Variants in SEZ6 observed in about 807,000 individuals in gnomAD.
The protein encoded by SEZ6 is seizure protein 6 homolog.
Under a neutral mutation model 101.0 loss-of-function variants are expected in SEZ6, and 53 were observed. The observed-to-expected ratio is 0.52, with a 90% confidence interval of 0.42 to 0.66. The LOEUF (loss-of-function observed/expected upper bound fraction) is 0.66, where lower values mean the gene tolerates loss of function less well. Among genes scored for constraint, SEZ6 ranks in the 30% least tolerant of loss-of-function variants. The pLI is 0.00. For synonymous variants in SEZ6, 488 were observed against 512.2 expected (o/e 0.95, Z 0.64); for missense variants, 1,102 against 1,289.4 (o/e 0.85, Z 2.23).
At chr17:28,964,592 C>T (rs552427616) in intron 4 of SEZ6, among the ~76,000 whole-genome samples, 9 of 152,294 alleles carry the variant, frequency 5.9e-5, no homozygotes, top group African/African-American at 2.2e-4. Context: ...GACATGAAAG[C>T]ACTTGAAATA....
chr17:28,957,315 A>G, intron 12 of SEZ6, 33 bp downstream of exon 12: 5 of 1,610,796 alleles, frequency 3.1e-6, no homozygotes, highest in Admixed American at 1.7e-5. Context: ...ATCTCCAGCT[A>G]GAGGTTTTCC....
intron 1 of SEZ6, among the ~76,000 whole-genome samples, chr17:28,993,821 C>T (rs1598210334): frequency 6.6e-6 from 1 of 152,264 alleles, no homozygotes; most frequent in African/African-American, 2.4e-5. Flanking sequence ...CAAAAGGCCA[C>T]ACCACTGAGG....
chr17:28,973,645 C>A (rs2041183467), intron 3 of SEZ6, among the ~76,000 whole-genome samples: 2 of 152,338 alleles, frequency 1.3e-5, no homozygotes, highest in Non-Finnish European at 2.9e-5. Context: ...CAAGCACCCT[C>A]TTGTGGGTCT....
intron 1 of SEZ6, among the ~76,000 whole-genome samples, chr17:28,994,285 T>C (rs1225716931): frequency 6.8e-6 from 1 of 147,884 alleles, no homozygotes; most frequent in Admixed American, 6.8e-5. Flanking sequence ...TTTTTTTTTT[T>C]CCTTTTTGGA....
intron 1 of SEZ6, among the ~76,000 whole-genome samples, chr17:28,998,357 G>C (rs1426967459): frequency 6.6e-6 from 1 of 151,820 alleles, no homozygotes; most frequent in Non-Finnish European, 1.5e-5. Flanking sequence ...GGGGGATGGA[G>C]AGACTGAGAG....
chr17:28,979,161 C>T (rs550647599), intron 3 of SEZ6, among the ~76,000 whole-genome samples: 3 of 152,128 alleles, frequency 2.0e-5, no homozygotes, highest in Non-Finnish European at 4.4e-5. Context: ...TTAATCCTAA[C>T]GGAGGGATGA....
At chr17:29,004,654 A>C (rs1482547133) in intron 1 of SEZ6, among the ~76,000 whole-genome samples, 1 of 152,048 alleles carries the variant, frequency 6.6e-6, no homozygotes, top group Non-Finnish European at 1.5e-5. Flanking sequence ...TCGAGCAGGG[A>C]GGTTAGAAAC....
Position 28,960,993 on chromosome 17 carries a change from A to T in SEZ6, c.1241-20T>A. 6.2e-7 allele frequency: 1 copy of T among 1,605,108 alleles called. No homozygotes were observed. Among genetic ancestry groups the T allele is most frequent in the Non-Finnish European group, 8.5e-7 (1 of 1,175,584 alleles). On this transcript the variant is annotated intron_variant, in intron 5 of 16. Transcript: ENST00000317338. ...AAGCAGCTGTTAAGACCAGGACAGGACGTAGGCTAGGCCCCTGCCTGAACC... is the reference window on the plus strand; with the variant it reads ...AAGCAGCTGTTAAGACCAGGACAGGTCGTAGGCTAGGCCCCTGCCTGAACC...
rs747683144 is a variant in SEZ6 at position 28,960,126 on chromosome 17, C to G, written c.1577-234G>C. 5.0e-6 allele frequency: 3 copies of G among 596,932 alleles called. No homozygotes were observed. The African/African-American group carries it at 5.6e-5, about 11-fold the overall frequency. The allele number at this position is 596,932 out of a possible 1,614,324, so 37.0% of individuals were successfully genotyped here. A position where few individuals can be genotyped will look rare whatever the true frequency, so the allele number is the denominator to read the frequency against. On this transcript the variant is annotated intron_variant, in intron 7 of 16. Coordinates refer to ENST00000317338, the MANE Select transcript of SEZ6 (RefSeq NM_178860.5). The stretch of plus-strand genomic sequence containing the variant: ...CCTGTTCCCACTGCCTGGTTTTGTG[C>G]TTAGTACACAGAAGGTACTCCATAC...
rs61737973 is a variant in SEZ6, at chr17:28,959,401, G to A, written c.1843C>T (p.Arg615Cys). ...ACACCCCAGATACAATCCTGCCCACGACCGTAGGGCTCTGGCCAGTTGGGA... is the reference window on the plus strand; with the variant it reads ...ACACCCCAGATACAATCCTGCCCACAACCGTAGGGCTCTGGCCAGTTGGGA... ...LSPNWPEPYGRGQDCIWGVHV... is the reference protein window; with the variant it reads ...LSPNWPEPYGCGQDCIWGVHV... Residue 615 changes from arginine to cysteine, a missense_variant, in exon 9 of 17, where the codon CGT (arginine) becomes TGT (cysteine). This residue lies in a region of SEZ6 where 556 missense variants were observed against 735.1 expected (regional missense o/e 0.76). Coordinates refer to ENST00000317338, the MANE Select transcript of SEZ6 (RefSeq NM_178860.5). The surrounding 1 kb of genome is among the most constrained non-coding windows in gnomAD (Gnocchi z 4.4). 544 of 1,613,832 alleles carry A rather than the reference G, an allele frequency of 3.4e-4. No homozygotes were observed. Among genetic ancestry groups the A allele is most frequent in the Middle Eastern group, 4.9e-4 (3 of 6,062 alleles).
At chr17:28,958,187 A>C (rs949293507) in intron 10 of SEZ6, 46 bp from the exon 11 acceptor site, 2 of 1,549,330 alleles carry the variant, frequency 1.3e-6, no homozygotes, top group African/African-American at 2.7e-5. Flanking sequence ...CCAGCACCAA[A>C]GTGACTGTCC....
Position 28,959,588 on chromosome 17 carries a change from A to G in SEZ6, c.1771+110T>C. 4 of 1,540,306 alleles carry G rather than the reference A, an allele frequency of 2.6e-6. No individual in the cohort carries two copies. Among genetic ancestry groups the G allele is most frequent in the South Asian group, 1.2e-5 (1 of 81,680 alleles). On this transcript the variant is annotated intron_variant, in intron 8 of 16. Coordinates refer to ENST00000317338, the MANE Select transcript of SEZ6 (RefSeq NM_178860.5). This position sits in a 1 kb window ranked among gnomAD's most constrained non-coding sequence, Gnocchi z 4.4. Reference sequence around the variant, plus strand: ...GACCCCCCACCTCCTCCTTGGAGGAAGCCTGAACCACGCATATCACAGGGC... The same window carrying G: ...GACCCCCCACCTCCTCCTTGGAGGAGGCCTGAACCACGCATATCACAGGGC...
intron 3 of SEZ6, among the ~76,000 whole-genome samples, chr17:28,978,969 C>T (rs191109562): frequency 6.6e-6 from 1 of 152,064 alleles, no homozygotes; most frequent in East Asian, 1.9e-4. Flanking sequence ...CTAAGGAGAC[C>T]CCATGTTGCA....
rs1598176276 is a variant in SEZ6 at position 28,957,192 on chromosome 17, G to A, written c.2545C>T (p.Arg849Ter). 1.2e-6 allele frequency: 2 copies of A among 1,613,986 alleles called. No individual in the cohort carries two copies. Among genetic ancestry groups the A allele is most frequent in the Non-Finnish European group, 1.7e-6 (2 of 1,179,872 alleles). Residue 849 changes from arginine to a stop codon, truncating the protein, a stop_gained, in exon 13 of 17, where the codon CGA becomes TGA. Coordinates refer to ENST00000317338, the MANE Select transcript of SEZ6 (RefSeq NM_178860.5). LOFTEE classifies it high-confidence loss of function. The part of the protein sequence containing the change: ...HGLSAPENGA[R>*]SPEKQLHPAG... ...GGGTGTAGCTGCTTCTCAGGACTTCGGGCACCATTCTCAGGGGCACTGAGA... is the reference window on the plus strand; with the variant it reads ...GGGTGTAGCTGCTTCTCAGGACTTCAGGCACCATTCTCAGGGGCACTGAGA...
chr17:29,001,802 G>A (rs1462475480), intron 1 of SEZ6, among the ~76,000 whole-genome samples: 1 of 152,204 alleles, frequency 6.6e-6, no homozygotes, highest in Non-Finnish European at 1.5e-5. Context: ...TGGCAGCATA[G>A]TCTCCGCCAG....
intron 1 of SEZ6, among the ~76,000 whole-genome samples, chr17:28,985,285 G>T (rs1254017755): frequency 6.6e-6 from 1 of 152,240 alleles, no homozygotes; most frequent in Non-Finnish European, 1.5e-5. Context: ...AGAGCTTCTG[G>T]CATTGGGACT....
At chr17:28,973,749 G>A (rs530732885) in intron 3 of SEZ6, among the ~76,000 whole-genome samples, 4 of 152,342 alleles carry the variant, frequency 2.6e-5, no homozygotes, top group African/African-American at 9.6e-5. Context: ...GGGTGATGAA[G>A]TCTTGATGCA....
chr17:28,960,283 T>C (rs1598179835), intron 7 of SEZ6: 2 of 635,890 alleles, frequency 3.1e-6, no homozygotes, highest in Non-Finnish European at 5.4e-6. Context: ...CCTTGGACCA[T>C]AGGGCCTGGG....
At chr17:28,964,846 C>T (rs2041038997) in intron 4 of SEZ6, among the ~76,000 whole-genome samples, 2 of 152,008 alleles carry the variant, frequency 1.3e-5, no homozygotes, top group Non-Finnish European at 1.5e-5. Flanking sequence ...CACCTGAGGT[C>T]GGGAGTTCGA....
Sources: allele counts gnomAD v4.1 joint callset (sites outside exome capture counted in the v4.1 genomes callset), GRCh38; gene constraint gnomAD v4.1.1; regional missense constraint gnomAD v4.1.1; non-coding constraint Gnocchi (gnomAD v3.1); transcripts MANE v1.5; gene names NCBI Gene and HGNC (gene_info 2026-07-23, HGNC 2026-07-21).